ARHGEF7: variants seen among roughly 807,000 people sequenced by gnomAD.
ARHGEF7 encodes the protein Rho guanine nucleotide exchange factor 7, also known as PAK-interacting exchange factor beta.
ARHGEF7 carries 33 observed loss-of-function variants against 109.8 expected under a neutral mutation model. The observed-to-expected ratio is 0.30, with a 90% confidence interval of 0.23 to 0.40. The LOEUF (loss-of-function observed/expected upper bound fraction) is 0.40. ARHGEF7 is among the 10% of genes least tolerant of loss of function. ARHGEF7 has a pLI of 1.00. For missense variants in ARHGEF7, 938 were observed against 1,098.5 expected (o/e 0.85, Z 2.07); for synonymous variants, 458 against 424.6 (o/e 1.08, Z -0.97).
rs1008910866 is a variant in ARHGEF7 at position 111,199,216 on chromosome 13, G to T, written c.253-6073G>T. 3.3e-5 allele frequency among the ~76,000 whole-genome samples: 5 copies of T among 152,324 alleles called. No homozygotes were observed. The South Asian group carries it at 1.0e-3, about 32-fold the overall frequency. The stretch of plus-strand genomic sequence containing the variant: ...ATGTAGACTCCTCCTCGAAGGGCAG[G>T]GGGAGTGAATGAAAGCAGCCATACT... On this transcript the variant is annotated intron_variant, in intron 2 of 21. Transcript: ENST00000646102.
chr13:111,115,949 G>A (rs2066727877), intron 1 of ARHGEF7, among the ~76,000 whole-genome samples: 1 of 151,764 alleles, frequency 6.6e-6, no homozygotes, highest in Admixed American at 6.6e-5. Context: ...GGGAAGGAGA[G>A]TGCACCGCAG....
chr13:111,217,331 T>C (rs111388216), intron 4 of ARHGEF7, among the ~76,000 whole-genome samples: 6 of 151,992 alleles, frequency 3.9e-5, no homozygotes, highest in Admixed American at 2.0e-4. Context: ...TTAAGTGTTA[T>C]GTAAGCACCA....
At chr13:111,120,137 A>T (rs1950566224) in intron 1 of ARHGEF7, among the ~76,000 whole-genome samples, 1 of 152,182 alleles carries the variant, frequency 6.6e-6, no homozygotes, top group Non-Finnish European at 1.5e-5. Context: ...GAAGCATGTG[A>T]CTTTATAGTC....
chr13:111,280,028 T>C (rs2033253556), intron 13 of ARHGEF7, among the ~76,000 whole-genome samples: 1 of 152,228 alleles, frequency 6.6e-6, no homozygotes, highest in Admixed American at 6.5e-5. Flanking sequence ...AGTGTGTGTT[T>C]GGGCTTGTCA....
intron 5 of ARHGEF7, among the ~76,000 whole-genome samples, chr13:111,230,930 A>C (rs2085958483): frequency 6.6e-6 from 1 of 151,984 alleles, no homozygotes; most frequent in Admixed American, 6.6e-5. Flanking sequence ...TCTTTTGAAA[A>C]CTTTTTTCTT....
chr13:111,276,263 A>G (rs1243772764), intron 12 of ARHGEF7, among the ~76,000 whole-genome samples: 1 of 152,174 alleles, frequency 6.6e-6, no homozygotes, highest in Non-Finnish European at 1.5e-5. Flanking sequence ...CCTCTTTCTG[A>G]ATTTTATTCT....
chr13:111,302,627 C>T (rs117385927), intron 21 of ARHGEF7, among the ~76,000 whole-genome samples: 1 of 152,350 alleles, frequency 6.6e-6, no homozygotes, highest in Non-Finnish European at 1.5e-5. Flanking sequence ...GTGGCTGTTA[C>T]TTCCAGTCCT....
Position 111,273,997 on chromosome 13 carries a change from A to G in ARHGEF7, c.1212+45A>G. 1 of 1,602,774 alleles carries G rather than the reference A, an allele frequency of 6.2e-7. No homozygotes were observed. Among genetic ancestry groups the G allele is most frequent in the Non-Finnish European group, 8.5e-7 (1 of 1,170,780 alleles). On this transcript the variant is annotated intron_variant, in intron 10 of 21. Coordinates refer to ENST00000646102, the MANE Select transcript of ARHGEF7 (RefSeq NM_001354046.2). This position sits in a 1 kb window ranked among gnomAD's most constrained non-coding sequence, Gnocchi z 4.5. Reference sequence around the variant, plus strand: ...TTACTTGGAGTCCTTACCAAGGGTTAGTGGCATGGTCAGACTTACTGTGAA... The same window carrying G: ...TTACTTGGAGTCCTTACCAAGGGTTGGTGGCATGGTCAGACTTACTGTGAA...
Position 111,255,753 on chromosome 13 carries a change from C to A in ARHGEF7, c.950+11459C>A, listed in dbSNP as rs529626385. ...CTTTGTCTTCACTTGATTTCACTTT[C>A]TGCCCTTAAACTCGGGGACATTTTA... is the stretch of plus-strand genomic sequence containing the variant. On this transcript the variant is annotated intron_variant, in intron 8 of 21. Coordinates refer to ENST00000646102, the MANE Select transcript of ARHGEF7 (RefSeq NM_001354046.2). The surrounding 1 kb of genome is among the most constrained non-coding windows in gnomAD (Gnocchi z 4.1). 9.8e-5 allele frequency among the ~76,000 whole-genome samples: 15 copies of A among 152,324 alleles called. No homozygotes were observed. In the South Asian group the frequency reaches 3.1e-3, roughly 32 times the overall value.
chr13:111,244,531 A>G (rs920409249), intron 8 of ARHGEF7, among the ~76,000 whole-genome samples: 2 of 152,182 alleles, frequency 1.3e-5, no homozygotes, highest in Non-Finnish European at 2.9e-5. Flanking sequence ...TCCATGGAGG[A>G]AGAGTCGGGA....
At chr13:111,247,321 T>C (rs1279117643) in intron 8 of ARHGEF7, among the ~76,000 whole-genome samples, 1 of 151,898 alleles carries the variant, frequency 6.6e-6, no homozygotes, top group East Asian at 1.9e-4. Flanking sequence ...CAGGCTGGAG[T>C]GCACTGGTGC....
intron 8 of ARHGEF7, 135 bp from the exon 9 acceptor site, chr13:111,267,413 G>A: frequency 8.6e-7 from 1 of 1,166,114 alleles, no homozygotes. Flanking sequence ...ATGTGTGCTG[G>A]GATCGGGGCC....
intron 17 of ARHGEF7, among the ~76,000 whole-genome samples, chr13:111,287,744 G>T (rs1384192962): frequency 6.6e-6 from 1 of 152,210 alleles, no homozygotes; most frequent in Non-Finnish European, 1.5e-5. Context: ...GGGACAGTGC[G>T]CTGTGTGGGC....
chr13:111,218,762 G>A (rs1028104609), intron 5 of ARHGEF7, among the ~76,000 whole-genome samples: 1 of 152,178 alleles, frequency 6.6e-6, no homozygotes, highest in Non-Finnish European at 1.5e-5. Context: ...GGGTTGAATT[G>A]TTAAGGTTTA....
chr13:111,225,887 T>A (rs1265644989), intron 5 of ARHGEF7, among the ~76,000 whole-genome samples: 1 of 152,166 alleles, frequency 6.6e-6, no homozygotes, highest in East Asian at 1.9e-4. Context: ...AGTGTTCAAA[T>A]GAAAGGAAGA....
intron 2 of ARHGEF7, among the ~76,000 whole-genome samples, chr13:111,173,597 A>T (rs1439860972): frequency 6.6e-6 from 1 of 152,228 alleles, no homozygotes; most frequent in Non-Finnish European, 1.5e-5. Flanking sequence ...GTGAAATTTC[A>T]TCCACGGATT....
intron 1 of ARHGEF7, among the ~76,000 whole-genome samples, chr13:111,150,013 C>T (rs1474102907): frequency 6.6e-6 from 1 of 152,180 alleles, no homozygotes; most frequent in African/African-American, 2.4e-5. Flanking sequence ...TGGTGGAACT[C>T]ACCCTGCACA....
In ARHGEF7 at chr13:111,303,311, T is replaced by C. The variant is rs1352021804; in HGVS notation, c.*198T>C. Reference sequence around the variant, plus strand: ...GACTGATGAATCCAGACAGGAGGGATTGACTCTGAGGACCTGAGCTACATC... The same window carrying C: ...GACTGATGAATCCAGACAGGAGGGACTGACTCTGAGGACCTGAGCTACATC... On this transcript the variant is annotated 3_prime_UTR_variant, in exon 22 of 22. Transcript: ENST00000646102. The C allele has an allele frequency of 2.1e-6, 1 of 479,158 alleles. No homozygotes were observed. The highest frequency in any genetic ancestry group is 3.6e-6 in the Non-Finnish European group (1 of 276,300). 29.7% of individuals were successfully genotyped at this position (479,158 alleles called of 1,614,324 possible). A position where few individuals can be genotyped will look rare whatever the true frequency, so the allele number is the denominator to read the frequency against.
Position 111,135,395 on chromosome 13 carries a change from T to C in ARHGEF7, c.166-18510T>C, listed in dbSNP as rs1049407115. ...AATCTATAAATTACCTTGGGCAGTA[T>C]GGCCATTTTCACAATATTGATTCTT... On this transcript the variant is annotated intron_variant, in intron 1 of 21. Transcript: ENST00000646102. 7.4e-4 allele frequency among the ~76,000 whole-genome samples: 112 copies of C among 152,336 alleles called. 1 individual carries two copies. The highest frequency in any genetic ancestry group is 2.6e-3 in the African/African-American group (109 of 41,588).
Sources: allele counts gnomAD v4.1 joint callset (sites outside exome capture counted in the v4.1 genomes callset), GRCh38; gene constraint gnomAD v4.1.1; non-coding constraint Gnocchi (gnomAD v3.1); transcripts MANE v1.5; gene names NCBI Gene and HGNC (gene_info 2026-07-23, HGNC 2026-07-21).